Variants in KCNIP4 observed in about 807,000 individuals in gnomAD.
The protein encoded by KCNIP4 is potassium voltage-gated channel interacting protein 4.
KCNIP4 carries 12 observed loss-of-function variants against 34.0 expected under a neutral mutation model. That is an observed-to-expected ratio of 0.35 (90% CI 0.23 to 0.57). The LOEUF is 0.57. Ranked by LOEUF, KCNIP4 falls within the 20% of genes least tolerant of loss-of-function variation. KCNIP4 has a pLI of 0.83. For missense variants in KCNIP4, 238 were observed against 311.7 expected, an observed-to-expected ratio of 0.76 and a Z score of 1.78; for synonymous variants, 124 against 102.2, an observed-to-expected ratio of 1.21 and a Z score of -1.29.
At chr4:21,283,294 A>G (rs1762895222) in intron 1 of KCNIP4, among the ~76,000 whole-genome samples, 1 of 152,112 alleles carries the variant, frequency 6.6e-6, no homozygotes, top group African/African-American at 2.4e-5. Flanking sequence ...TGACTTTTAT[A>G]TTTAAAATGG....
chr4:21,621,704 T>A (rs374188720), intron 1 of KCNIP4, among the ~76,000 whole-genome samples: 9 of 152,184 alleles, frequency 5.9e-5, no homozygotes, highest in African/African-American at 2.2e-4. Flanking sequence ...GTTTTCACAA[T>A]AGACAATGAG....
At chr4:20,813,666 A>C (rs1425767240) in intron 3 of KCNIP4, among the ~76,000 whole-genome samples, 1 of 152,186 alleles carries the variant, frequency 6.6e-6, no homozygotes, top group African/African-American at 2.4e-5. Context: ...AAAGAAGCTC[A>C]CACAACAGAA....
At chr4:21,099,662 A>C (rs28796097) in intron 1 of KCNIP4, among the ~76,000 whole-genome samples, 4,863 of 152,270 alleles carry the variant, frequency 0.032, 246 homozygotes, top group African/African-American at 0.11. Flanking sequence ...AAATTTCTTA[A>C]TGTTATAGCT....
chr4:20,886,325 C>T (rs1195436330), intron 1 of KCNIP4, among the ~76,000 whole-genome samples: 2 of 152,160 alleles, frequency 1.3e-5, no homozygotes, highest in Non-Finnish European at 1.5e-5. Context: ...GGAGGTAGAG[C>T]TCATAGTCAC....
intron 1 of KCNIP4, among the ~76,000 whole-genome samples, chr4:21,750,318 A>G (rs1340921529): frequency 1.3e-5 from 2 of 152,200 alleles, no homozygotes; most frequent in African/African-American, 4.8e-5. Context: ...ATGCTTCCTT[A>G]AAGTGAAAAG....
intron 1 of KCNIP4, among the ~76,000 whole-genome samples, chr4:21,909,638 G>C (rs1187520803): frequency 6.6e-6 from 1 of 152,020 alleles, no homozygotes; most frequent in Non-Finnish European, 1.5e-5. Context: ...ACAATAACTG[G>C]TTCAGAACAC....
chr4:21,599,373 T>C (rs1742912720), intron 1 of KCNIP4, among the ~76,000 whole-genome samples: 1 of 152,064 alleles, frequency 6.6e-6, no homozygotes. Context: ...ATTTTTATAG[T>C]ACTATAATTT....
intron 1 of KCNIP4, among the ~76,000 whole-genome samples, chr4:21,354,387 C>T (rs1718348934): frequency 6.6e-6 from 1 of 152,132 alleles, no homozygotes; most frequent in Non-Finnish European, 1.5e-5. Context: ...CATCAGTGTG[C>T]TGTATTCAGG....
At chr4:21,434,140 T>C (rs574329441) in intron 1 of KCNIP4, among the ~76,000 whole-genome samples, 1 of 152,330 alleles carries the variant, frequency 6.6e-6, no homozygotes, top group African/African-American at 2.4e-5. Flanking sequence ...CATGCTCTTC[T>C]ATGTCACATT....
intron 1 of KCNIP4, among the ~76,000 whole-genome samples, chr4:21,000,167 A>C (rs190806654): frequency 9.6e-4 from 146 of 152,240 alleles, no homozygotes; most frequent in African/African-American, 3.2e-3. Context: ...TCTGCAGCTA[A>C]CATGCAAATG....
chr4:21,618,630 C>CTTTTTTTTTTTTTTTTTT (rs58967707), intron 1 of KCNIP4, among the ~76,000 whole-genome samples: 44 of 81,778 alleles, frequency 5.4e-4, no homozygotes, highest in South Asian at 8.7e-4. Context: ...TTTTCTTTTT[C>CTTTTTTTTTTTTTTTTTT]TTTTTTTTTT....
At chr4:20,892,909 T>C (rs1726087797) in intron 1 of KCNIP4, among the ~76,000 whole-genome samples, 1 of 152,204 alleles carries the variant, frequency 6.6e-6, no homozygotes. Context: ...CTTGCTCCTC[T>C]GAACAATTTG....
At chr4:21,301,984 T>G (rs2109244123) in intron 1 of KCNIP4, among the ~76,000 whole-genome samples, 1 of 152,320 alleles carries the variant, frequency 6.6e-6, no homozygotes, top group African/African-American at 2.4e-5. Context: ...CATTTTACTA[T>G]TTATAATTAC....
intron 1 of KCNIP4, among the ~76,000 whole-genome samples, chr4:21,842,959 G>T (rs1723774956): frequency 6.6e-6 from 1 of 152,000 alleles, no homozygotes; most frequent in South Asian, 2.1e-4. Context: ...ACAGTATATG[G>T]CAAATAATAA....
At chr4:20,978,996 C>T (rs1487265804) in intron 1 of KCNIP4, among the ~76,000 whole-genome samples, 1 of 152,052 alleles carries the variant, frequency 6.6e-6, no homozygotes, top group African/African-American at 2.4e-5. Context: ...CAATTCATTA[C>T]ACTTTTTTCT....
chr4:21,042,579 C>G (rs770548457), intron 1 of KCNIP4, among the ~76,000 whole-genome samples: 2 of 152,050 alleles, frequency 1.3e-5, no homozygotes, highest in Non-Finnish European at 2.9e-5. Context: ...GGCTACGAAG[C>G]TACAATTTGA....
At chr4:21,402,773 C>T (rs987163477) in intron 1 of KCNIP4, among the ~76,000 whole-genome samples, 15 of 152,152 alleles carry the variant, frequency 9.9e-5, no homozygotes, top group African/African-American at 3.6e-4. Flanking sequence ...CTGGATCCCA[C>T]CTCCTCTGAA....
chr4:21,665,665 C>T (rs1313203215), intron 1 of KCNIP4, among the ~76,000 whole-genome samples: 1 of 152,144 alleles, frequency 6.6e-6, no homozygotes, highest in Non-Finnish European at 1.5e-5. Context: ...CTGGCCTTTC[C>T]TACAAAGGAA....
chr4:21,438,678 C>T (rs1173233186), intron 1 of KCNIP4, among the ~76,000 whole-genome samples: 1 of 152,048 alleles, frequency 6.6e-6, no homozygotes, highest in Non-Finnish European at 1.5e-5. Context: ...CTAATGTGGA[C>T]TTGTAAATAA....
Sources: allele counts gnomAD v4.1 joint callset (sites outside exome capture counted in the v4.1 genomes callset), GRCh38; gene constraint gnomAD v4.1.1; transcripts MANE v1.5; gene names NCBI Gene and HGNC (gene_info 2026-07-23, HGNC 2026-07-21).